SMIM41: variants seen among roughly 807,000 people sequenced by gnomAD.
SMIM41 encodes small integral membrane protein 41.
In SMIM41 at chr12:52,079,886, A is replaced by T; in HGVS notation, c.107A>T (p.Gln36Leu). Residue 36 changes from glutamine to leucine, a missense_variant, in exon 1 of 3, where the codon CAG (glutamine) becomes CTG (leucine). By Grantham distance (113) the Gln-to-Leu change is moderately radical. Coordinates refer to ENST00000546390, the MANE Select transcript of SMIM41 (RefSeq NM_001369216.1). ...PEPPEGPRAV[Q>L]AVVLGVLSLL... ...CCCCCCGAGGGGCCGCGCGCGGTGC[A>T]GGCGGTGGTGCTCGGCGTGCTGTCC... 2 of 390,148 alleles carry T rather than the reference A, an allele frequency of 5.1e-6. No individual in the cohort carries two copies. Among genetic ancestry groups the T allele is most frequent in the Non-Finnish European group, 9.1e-6 (2 of 220,532 alleles). The allele number at this position is 390,148 out of a possible 1,614,324, so 24.2% of individuals were successfully genotyped here.
At chr12:52,100,435 G>C (rs974276663) in intron 2 of SMIM41, among the ~76,000 whole-genome samples, 1 of 151,634 alleles carries the variant, frequency 6.6e-6, no homozygotes, top group Non-Finnish European at 1.5e-5. Flanking sequence ...CAACCCCTGC[G>C]AGAATGGGAG....
At chr12:52,093,009 G>A (rs1001737527) in intron 2 of SMIM41, among the ~76,000 whole-genome samples, 10 of 152,116 alleles carry the variant, frequency 6.6e-5, no homozygotes, top group South Asian at 2.1e-4. Context: ...GTGAAACCCC[G>A]TCTCTACTAC....
In SMIM41 at chr12:52,085,076, T is replaced by A. The variant is rs1434425354; in HGVS notation, c.*195+1108T>A. Among the ~76,000 whole-genome samples, 3 of 152,114 alleles carry A rather than the reference T, an allele frequency of 2.0e-5. No homozygotes were observed. The East Asian group carries it at 5.8e-4, about 29-fold the overall frequency. On this transcript the variant is annotated intron_variant, in intron 2 of 2. Coordinates refer to ENST00000546390, the MANE Select transcript of SMIM41 (RefSeq NM_001369216.1). ...ACCCACTGAGAGGATGTGTTATCAG[T>A]TAGAACTTTTTTGGTCTGAATTTAT...
Position 52,081,292 on chromosome 12 carries a change from C to T in SMIM41, c.*120+1111C>T, listed in dbSNP as rs1484049298. Among the ~76,000 whole-genome samples the T allele has an allele frequency of 6.6e-6, 1 of 152,102 alleles. No individual in the cohort carries two copies. The highest frequency in any genetic ancestry group is 2.4e-5 in the African/African-American group (1 of 41,414). Reference sequence around the variant, plus strand: ...CCCCGATTCTGGAGCCCCTCCCCTGCTTATCTGGGGTAGGGCAGGGTCCCA... The same window carrying T: ...CCCCGATTCTGGAGCCCCTCCCCTGTTTATCTGGGGTAGGGCAGGGTCCCA... On this transcript the variant is annotated intron_variant, in intron 1 of 2. Coordinates refer to ENST00000546390, the MANE Select transcript of SMIM41 (RefSeq NM_001369216.1). The surrounding 1 kb of genome is among the most constrained non-coding windows in gnomAD (Gnocchi z 4.1).
chr12:52,103,242 G>A (rs577642785), intron 2 of SMIM41, among the ~76,000 whole-genome samples: 1 of 151,840 alleles, frequency 6.6e-6, no homozygotes, highest in African/African-American at 2.4e-5. Context: ...CACAAGAATC[G>A]CTTGAACCCG....
chr12:52,096,080 G>A (rs560525951), intron 2 of SMIM41, among the ~76,000 whole-genome samples: 1 of 151,886 alleles, frequency 6.6e-6, no homozygotes, highest in South Asian at 2.1e-4. Context: ...ATCTCCTGTT[G>A]TATGGGGAGT....
chr12:52,084,452 A>G (rs951600229), intron 2 of SMIM41, among the ~76,000 whole-genome samples: 2 of 152,160 alleles, frequency 1.3e-5, no homozygotes, highest in African/African-American at 4.8e-5. Flanking sequence ...AAGAGCTCAC[A>G]TTCTAGTAAA....
intron 2 of SMIM41, among the ~76,000 whole-genome samples, chr12:52,098,361 G>A (rs1940140479): frequency 6.6e-6 from 1 of 151,972 alleles, no homozygotes; most frequent in Admixed American, 6.6e-5. Flanking sequence ...CACTATTTCA[G>A]GTGGGGTATA....
At position 52,081,586 on chromosome 12, in the gene SMIM41, T is replaced by C. The variant is rs556120901; in HGVS notation, c.*120+1405T>C. Among the ~76,000 whole-genome samples, 1 of 152,172 alleles carries C rather than the reference T, an allele frequency of 6.6e-6. No homozygotes were observed. The highest frequency in any genetic ancestry group is 1.9e-4 in the East Asian group (1 of 5,162). On this transcript the variant is annotated intron_variant, in intron 1 of 2. Transcript: ENST00000546390. The surrounding 1 kb of genome is among the most constrained non-coding windows in gnomAD (Gnocchi z 4.1). ...TGAGGCGTGTGTGTAGTGTGTCTGTTACTGCACCTGGCACAGGCAGGGGGC... is the reference window on the plus strand; with the variant it reads ...TGAGGCGTGTGTGTAGTGTGTCTGTCACTGCACCTGGCACAGGCAGGGGGC...
chr12:52,106,014 C>T (rs1940332662), intron 2 of SMIM41, among the ~76,000 whole-genome samples: 1 of 152,160 alleles, frequency 6.6e-6, no homozygotes, highest in African/African-American at 2.4e-5. Flanking sequence ...ATGATGGATG[C>T]ATAAAGTAAA....
chr12:52,105,290 C>G (rs1269180016), intron 2 of SMIM41, among the ~76,000 whole-genome samples: 7 of 152,224 alleles, frequency 4.6e-5, no homozygotes, highest in Non-Finnish European at 8.8e-5. Flanking sequence ...CAGGATCATT[C>G]GGGATGCATC....
intron 2 of SMIM41, among the ~76,000 whole-genome samples, chr12:52,102,257 G>A (rs1247872598): frequency 6.6e-6 from 1 of 152,164 alleles, no homozygotes; most frequent in Non-Finnish European, 1.5e-5. Flanking sequence ...CTCACCCCAA[G>A]TGCTAAAAGT....
At chr12:52,085,648 A>G (rs960533541) in intron 2 of SMIM41, among the ~76,000 whole-genome samples, 4 of 151,594 alleles carry the variant, frequency 2.6e-5, no homozygotes, top group African/African-American at 7.2e-5. Flanking sequence ...GTTTGCTGCT[A>G]TTGGGCCTGT....
intron 2 of SMIM41, among the ~76,000 whole-genome samples, chr12:52,101,589 G>A (rs547643996): frequency 6.6e-6 from 1 of 152,224 alleles, no homozygotes; most frequent in Non-Finnish European, 1.5e-5. Context: ...AGTACAGTAT[G>A]AAAATTTAAC....
intron 2 of SMIM41, chr12:52,093,695 T>G (rs1940041278): frequency 6.6e-6 from 1 of 152,264 alleles, no homozygotes; most frequent in Admixed American, 6.5e-5. Context: ...CATTTGGAAC[T>G]TTAGCTTCTG....
At chr12:52,088,674 G>A (rs1939932440) in intron 2 of SMIM41, among the ~76,000 whole-genome samples, 1 of 152,180 alleles carries the variant, frequency 6.6e-6, no homozygotes, top group Non-Finnish European at 1.5e-5. Context: ...TGGTCCCTGT[G>A]TCCCTTGGGG....
At chr12:52,096,920 T>C (rs1940108114) in intron 2 of SMIM41, among the ~76,000 whole-genome samples, 1 of 152,006 alleles carries the variant, frequency 6.6e-6, no homozygotes, top group African/African-American at 2.4e-5. Context: ...TGGGTGTACA[T>C]CCCTTCTGTG....
chr12:52,107,477 G>A lies in SMIM41; in HGVS notation c.*294G>A, dbSNP rs577399738. On this transcript the variant is annotated 3_prime_UTR_variant, in exon 3 of 3. Transcript: ENST00000546390. ...GGGAACCTGCTCATCATCCGGCCAT[G>A]AGCCCTGACTCCCACCTCCACACCT... 3.0e-6 allele frequency: 2 copies of A among 659,282 alleles called. No individual in the cohort carries two copies. Among genetic ancestry groups the A allele is most frequent in the Non-Finnish European group, 5.7e-6 (2 of 351,732 alleles). 40.8% of individuals were successfully genotyped at this position (659,282 alleles called of 1,614,324 possible).
chr12:52,099,929 C>T (rs1381938815), intron 2 of SMIM41, among the ~76,000 whole-genome samples: 2 of 151,900 alleles, frequency 1.3e-5, no homozygotes, highest in Admixed American at 6.6e-5. Flanking sequence ...TAATATCATC[C>T]TCTCCACCCA....
Sources: allele counts gnomAD v4.1 joint callset (sites outside exome capture counted in the v4.1 genomes callset), GRCh38; gene constraint gnomAD v4.1.1; non-coding constraint Gnocchi (gnomAD v3.1); transcripts MANE v1.5; gene names NCBI Gene and HGNC (gene_info 2026-07-23, HGNC 2026-07-21).